The following RERG variants were observed in gnomAD, a reference collection of about 807,000 sequenced individuals.
The protein encoded by RERG is RAS like estrogen regulated growth inhibitor.
Under a neutral mutation model 23.2 loss-of-function variants are expected in RERG, and 25 were observed. The observed-to-expected ratio is 1.08, with a 90% confidence interval of 0.79 to 1.50. The LOEUF (loss-of-function observed/expected upper bound fraction) is 1.50, where lower values mean the gene tolerates loss of function less well. Ranked by LOEUF, RERG falls within the 40% of genes most tolerant of loss-of-function variation. RERG has a pLI of 0.00. For missense variants in RERG, 253 were observed against 250.1 expected, an observed-to-expected ratio of 1.01 and a Z score of -0.08; for synonymous variants, 81 against 89.1, an observed-to-expected ratio of 0.91 and a Z score of 0.51.
chr12:15,156,656 T>C (rs993188209), intron 2 of RERG, among the ~76,000 whole-genome samples: 2 of 152,216 alleles, frequency 1.3e-5, no homozygotes, highest in African/African-American at 4.8e-5. Context: ...TAGTATTTTC[T>C]TTCTAAACAA....
chr12:15,152,408 T>C (rs1021121543), intron 2 of RERG, among the ~76,000 whole-genome samples: 2 of 152,220 alleles, frequency 1.3e-5, no homozygotes, highest in Admixed American at 1.3e-4. Context: ...TTATCCATAG[T>C]GTTTCCCCTC....
intron 1 of RERG, among the ~76,000 whole-genome samples, chr12:15,218,368 C>T (rs2136152243): frequency 6.6e-6 from 1 of 152,086 alleles, no homozygotes; most frequent in Non-Finnish European, 1.5e-5. Flanking sequence ...CATCTAGGTT[C>T]TTAGGATCAT....
intron 2 of RERG, among the ~76,000 whole-genome samples, chr12:15,171,291 A>G (rs1864774993): frequency 6.6e-6 from 1 of 152,188 alleles, no homozygotes; most frequent in Non-Finnish European, 1.5e-5. Flanking sequence ...ACATATCAGA[A>G]CCTTGAATTT....
chr12:15,175,459 AG>A (rs770986123), intron 2 of RERG, among the ~76,000 whole-genome samples: 1 of 150,790 alleles, frequency 6.6e-6, no homozygotes, highest in Non-Finnish European at 1.5e-5. Context: ...CTGCTTGCAC[AG>A]GGCTTCAAGA....
intron 2 of RERG, among the ~76,000 whole-genome samples, chr12:15,175,333 CTG>C (rs532399275): frequency 0.12 from 13,543 of 111,806 alleles, 693 homozygotes; most frequent in South Asian, 0.17. Flanking sequence ...CTCTCAGGCT[CTG>C]TGTGTGTGTG....
At chr12:15,210,934 C>T (rs911738281) in intron 2 of RERG, among the ~76,000 whole-genome samples, 1 of 152,156 alleles carries the variant, frequency 6.6e-6, no homozygotes, top group African/African-American at 2.4e-5. Flanking sequence ...AACCACCTCC[C>T]TCCCTTTGGT....
At chr12:15,121,269 T>A (rs186587614) in intron 2 of RERG, 150 bp from the exon 3 acceptor site, 89 of 619,426 alleles carry the variant, frequency 1.4e-4, no homozygotes, top group African/African-American at 1.4e-3. Flanking sequence ...TTTATGTTTA[T>A]TCAAGTAATT....
intron 2 of RERG, chr12:15,152,066 A>C (rs3748301): frequency 0.27 from 41,053 of 152,196 alleles, 6,094 homozygotes; most frequent in Middle Eastern, 0.42. Flanking sequence ...TATAAATTGC[A>C]AAAGGTAAAT....
chr12:15,197,829 T>C (rs1227829439), intron 2 of RERG, among the ~76,000 whole-genome samples: 10 of 152,072 alleles, frequency 6.6e-5, no homozygotes, highest in African/African-American at 2.4e-4. Flanking sequence ...TGCACAGTGG[T>C]GGGCGGTGCA....
chr12:15,178,156 A>G (rs1864877838), intron 2 of RERG, among the ~76,000 whole-genome samples: 2 of 152,138 alleles, frequency 1.3e-5, no homozygotes, highest in South Asian at 4.1e-4. Flanking sequence ...CTCATTTTAA[A>G]TGTATATTAA....
intron 2 of RERG, among the ~76,000 whole-genome samples, chr12:15,146,392 C>T (rs1034889766): frequency 2.6e-5 from 4 of 152,134 alleles, no homozygotes; most frequent in Non-Finnish European, 5.9e-5. Flanking sequence ...ATCATCCCAG[C>T]ATAATTTTTA....
At chr12:15,166,525 GGTGGTGGTGGTGGTGGTA>G (rs1467780773) in intron 2 of RERG, among the ~76,000 whole-genome samples, 5 of 151,344 alleles carry the variant, frequency 3.3e-5, no homozygotes, top group South Asian at 2.1e-4. Flanking sequence ...TGGTGGTGAT[GGTGGTGGTGGTGGTGGTA>G]GTGGTGTTGG....
chr12:15,133,482 C>T (rs1435756704), intron 2 of RERG, among the ~76,000 whole-genome samples: 1 of 151,964 alleles, frequency 6.6e-6, no homozygotes, highest in Non-Finnish European at 1.5e-5. Flanking sequence ...TTTGTTTATC[C>T]ATTCATTTAC....
At chr12:15,149,163 C>G (rs991555552) in intron 2 of RERG, among the ~76,000 whole-genome samples, 1 of 151,874 alleles carries the variant, frequency 6.6e-6, no homozygotes, top group South Asian at 2.1e-4. Flanking sequence ...GCCACCGCGC[C>G]CAGCCTGCAG....
chr12:15,113,639 T>C (rs1863664962), intron 3 of RERG, among the ~76,000 whole-genome samples: 2 of 151,622 alleles, frequency 1.3e-5, no homozygotes, highest in East Asian at 3.9e-4. Flanking sequence ...ATTTAGGAAG[T>C]AATAAAAATG....
chr12:15,121,731 T>A (rs1007468980), intron 2 of RERG, among the ~76,000 whole-genome samples: 4 of 151,854 alleles, frequency 2.6e-5, no homozygotes, highest in Non-Finnish European at 5.9e-5. Flanking sequence ...ATGAGGCAGG[T>A]ACGATGTTAA....
intron 2 of RERG, among the ~76,000 whole-genome samples, chr12:15,182,931 G>C (rs1864943567): frequency 6.6e-6 from 1 of 152,040 alleles, no homozygotes; most frequent in East Asian, 1.9e-4. Flanking sequence ...TAAAACATTA[G>C]CTGGGCATGG....
At chr12:15,160,559 C>T (rs1864589339) in intron 2 of RERG, among the ~76,000 whole-genome samples, 2 of 152,200 alleles carry the variant, frequency 1.3e-5, no homozygotes, top group African/African-American at 4.8e-5. Flanking sequence ...ATAGAAATCA[C>T]AGTAATATTT....
At chr12:15,192,395 A>G (rs528928400) in intron 2 of RERG, among the ~76,000 whole-genome samples, 4 of 152,232 alleles carry the variant, frequency 2.6e-5, no homozygotes, top group South Asian at 2.1e-4. Flanking sequence ...ATATCAATAC[A>G]ATAATAGCCT....
Sources: gnomAD v4.1 joint callset for allele counts (sites outside exome capture counted in the v4.1 genomes callset) on GRCh38, gnomAD v4.1.1 for gene constraint, MANE v1.5 for transcripts, NCBI Gene and HGNC (gene_info 2026-07-23, HGNC 2026-07-21) for gene names.